The following COL5A2 variants were observed in gnomAD, a reference collection of about 807,000 sequenced individuals.
COL5A2 encodes the protein collagen type V alpha 2 chain, also known as collagen alpha-2(V) chain.
In COL5A2, 23 loss-of-function variants were observed where a neutral mutation model predicts 208.2. That is an observed-to-expected ratio of 0.11 (90% CI 0.08 to 0.16). The LOEUF (loss-of-function observed/expected upper bound fraction) is 0.16, where lower values mean the gene tolerates loss of function less well. Ranked by LOEUF, COL5A2 falls within the 10% of genes least tolerant of loss-of-function variation. COL5A2 has a pLI of 1.00. For synonymous variants in COL5A2, 625 were observed against 628.5 expected (o/e 0.99, Z 0.08); for missense variants, 1,590 against 1,956.4 (o/e 0.81, Z 3.53).
At chr2:189,077,834 T>G (rs758073830) in intron 16 of COL5A2, among the ~76,000 whole-genome samples, 1 of 152,088 alleles carries the variant, frequency 6.6e-6, no homozygotes, top group Non-Finnish European at 1.5e-5. Context: ...GATGATCGGA[T>G]CTTGAAATAA....
chr2:189,098,595 A>T, intron 5 of COL5A2, 132 bp downstream of exon 5: 1 of 752,274 alleles, frequency 1.3e-6, no homozygotes, highest in Non-Finnish European at 2.3e-6. Flanking sequence ...AAGATGGTTT[A>T]AGACAAAATG....
intron 33 of COL5A2, among the ~76,000 whole-genome samples, chr2:189,057,653 G>A (rs1335004450): frequency 6.6e-6 from 1 of 152,082 alleles, no homozygotes; most frequent in Admixed American, 6.5e-5. Flanking sequence ...TTTCTCTTAA[G>A]AGGCAATTGA....
At chr2:189,432,894 C>T in the COL5A2 span, among the ~76,000 whole-genome samples, 1 of 152,198 alleles carries the variant, frequency 6.6e-6, no homozygotes, top group Admixed American at 6.5e-5. Flanking sequence ...CTCTGCGCCA[C>T]ATCGCCCTCA....
At chr2:189,295,541 G>C in the COL5A2 span, among the ~76,000 whole-genome samples, 1 of 152,158 alleles carries the variant, frequency 6.6e-6, no homozygotes, top group Admixed American at 6.5e-5. Flanking sequence ...CTTGAACCCG[G>C]GAGGCAGAAG....
intron 1 of COL5A2, among the ~76,000 whole-genome samples, chr2:189,163,100 A>AC (rs745947396): frequency 3.3e-5 from 5 of 152,088 alleles, no homozygotes; most frequent in Non-Finnish European, 7.4e-5. Flanking sequence ...AAAGCCCACA[A>AC]CCATTTAATA....
At chr2:189,134,261 ACC>A (rs1687782379) in intron 1 of COL5A2, among the ~76,000 whole-genome samples, 1 of 152,070 alleles carries the variant, frequency 6.6e-6, no homozygotes, top group Non-Finnish European at 1.5e-5. Flanking sequence ...TATAAATATA[ACC>A]TTTTGGCAAT....
intron 1 of COL5A2, among the ~76,000 whole-genome samples, chr2:189,165,570 C>A (rs1688447793): frequency 6.6e-6 from 1 of 152,196 alleles, no homozygotes; most frequent in Admixed American, 6.5e-5. Context: ...CACATTTCTT[C>A]AGTGCCCATT....
At chr2:189,416,884 G>C in the COL5A2 span, among the ~76,000 whole-genome samples, 2 of 152,034 alleles carry the variant, frequency 1.3e-5, no homozygotes, top group Non-Finnish European at 2.9e-5. Flanking sequence ...TTGTTTAGGG[G>C]ACTTTTGTTC....
chr2:189,211,870 T>C (rs1003990539), intron 1 of COL5A2, among the ~76,000 whole-genome samples: 4 of 152,104 alleles, frequency 2.6e-5, no homozygotes, highest in Non-Finnish European at 5.9e-5. Flanking sequence ...TTGATGGCAA[T>C]ATATAAATGT....
intron 1 of COL5A2, among the ~76,000 whole-genome samples, chr2:189,168,243 T>G (rs1245797508): frequency 6.6e-6 from 1 of 150,698 alleles, no homozygotes; most frequent in Admixed American, 6.6e-5. Context: ...CCGGGTTTTT[T>G]TTTTTTTTTT....
the COL5A2 span, among the ~76,000 whole-genome samples, chr2:189,375,693 T>C: frequency 6.6e-6 from 1 of 152,210 alleles, no homozygotes; most frequent in Non-Finnish European, 1.5e-5. Flanking sequence ...TTTTGCAAGA[T>C]AGATCCAAAG....
the COL5A2 span, among the ~76,000 whole-genome samples, chr2:189,264,330 T>A: frequency 1.3e-5 from 2 of 152,226 alleles, no homozygotes; most frequent in South Asian, 2.1e-4. Flanking sequence ...TGTTTTCAAG[T>A]GACATAAATG....
chr2:189,201,075 C>CA (rs1689062660), intron 1 of COL5A2, among the ~76,000 whole-genome samples: 1 of 151,618 alleles, frequency 6.6e-6, no homozygotes, highest in Non-Finnish European at 1.5e-5. Context: ...ATTTAAAAAA[C>CA]AAAAAAGACT....
chr2:189,300,686 G>A, the COL5A2 span, among the ~76,000 whole-genome samples: 1 of 152,210 alleles, frequency 6.6e-6, no homozygotes, highest in African/African-American at 2.4e-5. Context: ...ATAGCAGTAG[G>A]CCTAGATGGT....
At chr2:189,142,133 A>G (rs1235257058) in intron 1 of COL5A2, among the ~76,000 whole-genome samples, 1 of 152,064 alleles carries the variant, frequency 6.6e-6, no homozygotes, top group African/African-American at 2.4e-5. Context: ...TTAAAGTTTA[A>G]TCTATATGTT....
At chr2:189,058,051 C>T (rs746677543) in intron 33 of COL5A2, among the ~76,000 whole-genome samples, 1 of 152,078 alleles carries the variant, frequency 6.6e-6, no homozygotes, top group Admixed American at 6.5e-5. Flanking sequence ...AATTGTGAAA[C>T]CTGAGACAAG....
chr2:189,128,223 A>C (rs1330610756), intron 1 of COL5A2, among the ~76,000 whole-genome samples: 1 of 151,942 alleles, frequency 6.6e-6, no homozygotes, highest in Non-Finnish European at 1.5e-5. Flanking sequence ...ATGTTTTGTG[A>C]CTTCTGCCAA....
the COL5A2 span, among the ~76,000 whole-genome samples, chr2:189,413,377 G>C: frequency 6.6e-6 from 1 of 152,074 alleles, no homozygotes; most frequent in Non-Finnish European, 1.5e-5. Flanking sequence ...ATGGTTACAA[G>C]AGCCCTGAAA....
chr2:189,110,949 G>A (rs929276237), intron 1 of COL5A2, among the ~76,000 whole-genome samples: 1 of 152,064 alleles, frequency 6.6e-6, no homozygotes, highest in Non-Finnish European at 1.5e-5. Context: ...AGAAAAAGGT[G>A]TATGTTTTTA....
Sources: allele counts gnomAD v4.1 joint callset (sites outside exome capture counted in the v4.1 genomes callset), GRCh38; gene constraint gnomAD v4.1.1; transcripts MANE v1.5; gene names NCBI Gene and HGNC (gene_info 2026-07-23, HGNC 2026-07-21).